Variants in CDKAL1 observed in about 807,000 individuals in gnomAD.
CDKAL1 encodes CDKAL1 threonylcarbamoyladenosine tRNA methylthiotransferase.
CDKAL1 carries 32 observed loss-of-function variants against 68.2 expected under a neutral mutation model. The observed-to-expected ratio is 0.47, with a 90% CI of 0.35 to 0.63. The LOEUF is 0.63. Among genes scored for constraint, CDKAL1 ranks in the 30% least tolerant of loss-of-function variants. The pLI, the probability that CDKAL1 is intolerant of heterozygous loss-of-function variation, is 0.00. For missense variants in CDKAL1, 606 were observed against 696.7 expected (o/e 0.87, Z 1.47); for synonymous variants, 234 against 244.3 (o/e 0.96, Z 0.39).
intron 13 of CDKAL1, among the ~76,000 whole-genome samples, chr6:21,109,319 A>G (rs770904334): frequency 5.9e-5 from 9 of 152,232 alleles, no homozygotes; most frequent in Non-Finnish European, 8.8e-5. Context: ...ATCTTTATCT[A>G]TGAATTTATA....
At chr6:20,662,575 C>G (rs1352303149) in intron 5 of CDKAL1, among the ~76,000 whole-genome samples, 1 of 152,052 alleles carries the variant, frequency 6.6e-6, no homozygotes, top group African/African-American at 2.4e-5. Flanking sequence ...TGTGGCTGCC[C>G]CATATTAATA....
At chr6:20,875,056 T>C (rs934875830) in intron 9 of CDKAL1, among the ~76,000 whole-genome samples, 1 of 151,380 alleles carries the variant, frequency 6.6e-6, no homozygotes, top group African/African-American at 2.4e-5. Flanking sequence ...TCCCAGCACT[T>C]TGGGAGGCCG....
rs576813607 is a variant in CDKAL1 at position 20,757,152 on chromosome 6, C to T, written c.469-1443C>T. On this transcript the variant is annotated intron_variant, in intron 6 of 15. Transcript: ENST00000274695. The stretch of plus-strand genomic sequence containing the variant: ...TTCACCATGTTGGCCAGGCTGGTCT[C>T]GAACTCCTGACCTCAAGTGATCTGC... Among the ~76,000 whole-genome samples, 350 of 152,090 alleles carry T rather than the reference C, an allele frequency of 2.3e-3. 2 individuals are homozygous for T. Among genetic ancestry groups the T allele is most frequent in the Admixed American group, 6.1e-3 (93 of 15,262 alleles).
intron 13 of CDKAL1, among the ~76,000 whole-genome samples, chr6:21,126,147 T>C (rs1345837034): frequency 6.6e-6 from 1 of 152,242 alleles, no homozygotes; most frequent in African/African-American, 2.4e-5. Context: ...TGGACAGCAG[T>C]GTTTCCACAG....
At chr6:20,721,844 T>C (rs1482388344) in intron 5 of CDKAL1, among the ~76,000 whole-genome samples, 1 of 149,512 alleles carries the variant, frequency 6.7e-6, no homozygotes, top group Non-Finnish European at 1.5e-5. Flanking sequence ...ACAATTCTCC[T>C]GCCTCAGCCT....
chr6:20,901,148 C>T (rs913212686), intron 9 of CDKAL1, among the ~76,000 whole-genome samples: 6 of 151,810 alleles, frequency 4.0e-5, no homozygotes, highest in East Asian at 1.9e-4. Context: ...GGCATGTGTC[C>T]GAGAGACAGA....
At chr6:20,813,172 G>A (rs1776894853) in intron 8 of CDKAL1, among the ~76,000 whole-genome samples, 4 of 152,014 alleles carry the variant, frequency 2.6e-5, no homozygotes, top group African/African-American at 9.7e-5. Context: ...GTCTCAAACT[G>A]TTGGCCTCAT....
chr6:20,834,859 A>G (rs1422619978), intron 8 of CDKAL1, among the ~76,000 whole-genome samples: 1 of 152,186 alleles, frequency 6.6e-6, no homozygotes, highest in Admixed American at 6.5e-5. Context: ...AGAAAAGGCA[A>G]GTCCATTCTC....
intron 6 of CDKAL1, among the ~76,000 whole-genome samples, chr6:20,751,010 C>G (rs7765413): frequency 0.41 from 55,729 of 137,130 alleles, 12,007 homozygotes; most frequent in Non-Finnish European, 0.43. Flanking sequence ...GTCTCCTCCT[C>G]CCTAGTAGTG....
At chr6:21,024,547 G>A (rs1205196153) in intron 11 of CDKAL1, among the ~76,000 whole-genome samples, 1 of 152,034 alleles carries the variant, frequency 6.6e-6, no homozygotes, top group Non-Finnish European at 1.5e-5. Flanking sequence ...GGAAAAATGA[G>A]ATGATTACAA....
intron 13 of CDKAL1, among the ~76,000 whole-genome samples, chr6:21,115,413 G>A (rs1452430596): frequency 1.3e-5 from 2 of 152,194 alleles, no homozygotes; most frequent in African/African-American, 4.8e-5. Context: ...CTGCTGTCTG[G>A]AAATAGCAAA....
intron 7 of CDKAL1, among the ~76,000 whole-genome samples, chr6:20,775,220 A>G (rs6936840): frequency 0.45 from 67,974 of 152,012 alleles, 15,431 homozygotes; most frequent in South Asian, 0.5. Context: ...CACACTGAGC[A>G]TCATCTCCCC....
chr6:21,115,160 T>C (rs1188732590), intron 13 of CDKAL1, among the ~76,000 whole-genome samples: 1 of 152,242 alleles, frequency 6.6e-6, no homozygotes, highest in Non-Finnish European at 1.5e-5. Flanking sequence ...GATTTACATT[T>C]CTCTTTTAAT....
rs377142717 is a variant in CDKAL1, at chr6:20,936,411, C to T, written c.743-19008C>T. 1.9e-3 allele frequency among the ~76,000 whole-genome samples: 292 copies of T among 150,778 alleles called. 5 individuals carry two copies. In the East Asian group the frequency reaches 0.02, roughly 10 times the overall value. Reference sequence around the variant, plus strand: ...GACTACAGGCGCCCGCCACTACGCCCGGCTAATTTTTTGTATTTTTAGTAG... The same window carrying T: ...GACTACAGGCGCCCGCCACTACGCCTGGCTAATTTTTTGTATTTTTAGTAG... On this transcript the variant is annotated intron_variant, in intron 9 of 15. Transcript: ENST00000274695.
chr6:21,125,075 T>C (rs897937972), intron 13 of CDKAL1, among the ~76,000 whole-genome samples: 5 of 152,174 alleles, frequency 3.3e-5, no homozygotes, highest in African/African-American at 7.2e-5. Context: ...CAATATGATA[T>C]TGTTTGGCTG....
chr6:21,195,524 TATTTGAGACAGG>T, intron 13 of CDKAL1, among the ~76,000 whole-genome samples: 1 of 148,564 alleles, frequency 6.7e-6, no homozygotes, highest in Non-Finnish European at 1.5e-5. Flanking sequence ...TTTATTTATT[TATTTGAGACAGG>T]GTCTTATTCA....
At chr6:20,967,562 A>T (rs1423394600) in intron 10 of CDKAL1, among the ~76,000 whole-genome samples, 1 of 152,218 alleles carries the variant, frequency 6.6e-6, no homozygotes, top group African/African-American at 2.4e-5. Context: ...TTACATATAT[A>T]TGCAGTGTAT....
At chr6:20,805,777 T>C (rs1009701995) in intron 8 of CDKAL1, among the ~76,000 whole-genome samples, 1 of 152,206 alleles carries the variant, frequency 6.6e-6, no homozygotes, top group Non-Finnish European at 1.5e-5. Context: ...GATTGGCACA[T>C]TTGTTACCCA....
intron 12 of CDKAL1, among the ~76,000 whole-genome samples, chr6:21,069,329 C>T (rs773416218): frequency 6.6e-6 from 1 of 152,070 alleles, no homozygotes; most frequent in African/African-American, 2.4e-5. Flanking sequence ...TCCTATTTTT[C>T]CCTGTGTCTG....
Sources: gnomAD v4.1 joint callset for allele counts (sites outside exome capture counted in the v4.1 genomes callset) on GRCh38, gnomAD v4.1.1 for gene constraint, MANE v1.5 for transcripts, NCBI Gene and HGNC (gene_info 2026-07-23, HGNC 2026-07-21) for gene names.